The following USP44 variants were observed in gnomAD, a reference collection of about 807,000 sequenced individuals.
USP44 encodes ubiquitin specific peptidase 44.
Under a neutral mutation model 69.0 loss-of-function variants are expected in USP44, and 61 were observed. The observed-to-expected ratio is 0.88, with a 90% CI of 0.72 to 1.09. The LOEUF is 1.09. Among genes scored for constraint, USP44 ranks in the 50% least tolerant of loss-of-function variants. The pLI is 0.00. For synonymous variants in USP44, 297 were observed against 295.4 expected (o/e 1.01, Z -0.06); for missense variants, 753 against 849.9 (o/e 0.89, Z 1.42).
Position 95,518,116 on chromosome 12 carries a change from T to C in USP44, c.*38A>G, listed in dbSNP as rs764683275. ...GTACATCAGTCTTTTAAAAAGTATA[T>C]ATATAAATCACAGGAAGAAAACCCC... On this transcript the variant is annotated 3_prime_UTR_variant, in exon 6 of 6. Transcript: ENST00000258499. The C allele has an allele frequency of 5.0e-6, 8 of 1,602,130 alleles. No homozygotes were observed. The highest frequency in any genetic ancestry group is 4.0e-5 in the African/African-American group (3 of 74,326).
At chr12:95,525,361 C>T (rs1252228111) in intron 3 of USP44, among the ~76,000 whole-genome samples, 1 of 152,198 alleles carries the variant, frequency 6.6e-6, no homozygotes, top group Non-Finnish European at 1.5e-5. Context: ...TGAGCCACTG[C>T]ACCCAGCCAT....
intron 1 of USP44, among the ~76,000 whole-genome samples, chr12:95,534,677 CTTTTT>C (rs71082032): frequency 7.0e-6 from 1 of 142,236 alleles, no homozygotes; most frequent in Admixed American, 7.0e-5. Context: ...ACTGCATTCC[CTTTTT>C]TTTTTTTTTT....
intron 5 of USP44, among the ~76,000 whole-genome samples, chr12:95,519,190 T>A (rs968025735): frequency 2.7e-5 from 4 of 150,776 alleles, no homozygotes; most frequent in African/African-American, 9.8e-5. Context: ...GTGACACCTT[T>A]GTTTGCTGAT....
chr12:95,531,633 T>C (rs2077023258), intron 2 of USP44, among the ~76,000 whole-genome samples: 1 of 152,214 alleles, frequency 6.6e-6, no homozygotes, highest in South Asian at 2.1e-4. Context: ...TTTGCATTTC[T>C]GAAACACTGA....
In USP44 at chr12:95,534,095, T is replaced by C; in HGVS notation, c.162A>G (p.Glu54=). 1 of 1,614,194 alleles carries C rather than the reference T, an allele frequency of 6.2e-7. No homozygotes were observed. The highest frequency in any genetic ancestry group is 1.1e-5 in the South Asian group (1 of 91,078). Residue 54 remains glutamate, a synonymous_variant, in exon 2 of 6, where the codon GAA becomes GAG. Coordinates refer to ENST00000258499, the MANE Select transcript of USP44 (RefSeq NM_032147.5). ...CTTGAAAGTGCTTGAGTGCATGCTC[T>C]TCAATATATCTTCCACAGGCAACAT... ...CSHVACGRYI[E]EHALKHFQES...
In USP44 at chr12:95,534,164, G is replaced by A. The variant is rs1163995874; in HGVS notation, c.93C>T (p.Asp31=). 3 of 1,614,048 alleles carry A rather than the reference G, an allele frequency of 1.9e-6. No individual in the cohort carries two copies. The African/African-American group carries it at 4.0e-5, about 22-fold the overall frequency. The part of the protein sequence containing the change: ...SLNPQKWHCV[D]CNTTESIWAC... ...CCCAAATGGACTCGGTCGTGTTGCA[G>A]TCCACACAGTGCCATTTCTGAGGGT... The change falls in exon 2 of 6, where the codon GAC becomes GAT. Residue 31 remains aspartate, a synonymous_variant. Coordinates refer to ENST00000258499, the MANE Select transcript of USP44 (RefSeq NM_032147.5).
chr12:95,535,204 T>G (rs1484129249), intron 1 of USP44, among the ~76,000 whole-genome samples: 1 of 152,192 alleles, frequency 6.6e-6, no homozygotes. Context: ...AGAGGGAAAA[T>G]CATACCAACT....
At chr12:95,527,643 C>G (rs1404852084) in intron 3 of USP44, among the ~76,000 whole-genome samples, 1 of 151,112 alleles carries the variant, frequency 6.6e-6, no homozygotes, top group Non-Finnish European at 1.5e-5. Context: ...CTCCACCACA[C>G]CCGGCTAATT....
chr12:95,542,163 G>C (rs2077410746), intron 1 of USP44, among the ~76,000 whole-genome samples: 1 of 152,152 alleles, frequency 6.6e-6, no homozygotes, highest in Non-Finnish European at 1.5e-5. Flanking sequence ...TTATAGGCAT[G>C]AGACACTATG....
chr12:95,522,615 T>C (rs1019178234), intron 4 of USP44, among the ~76,000 whole-genome samples: 6 of 151,804 alleles, frequency 4.0e-5, no homozygotes, highest in Non-Finnish European at 8.8e-5. Context: ...CCGTCTCTAC[T>C]AAAAATACAA....
intron 1 of USP44, among the ~76,000 whole-genome samples, chr12:95,537,467 C>T (rs1411025660): frequency 2.0e-5 from 3 of 152,044 alleles, no homozygotes; most frequent in East Asian, 1.9e-4. Flanking sequence ...TACAGGCACA[C>T]GTCACCATGT....
intron 1 of USP44, among the ~76,000 whole-genome samples, chr12:95,535,035 T>G (rs919858574): frequency 4.6e-5 from 7 of 152,212 alleles, no homozygotes; most frequent in Non-Finnish European, 1.0e-4. Flanking sequence ...CTAATATTTA[T>G]AAACATTATG....
intron 1 of USP44, among the ~76,000 whole-genome samples, chr12:95,541,874 A>ATTTT (rs34060895): frequency 4.0e-5 from 4 of 99,540 alleles, no homozygotes; most frequent in African/African-American, 4.1e-5. Flanking sequence ...TATCATCTCC[A>ATTTT]TTTTTTTTTT....
rs2076505263 is a variant in USP44 at position 95,517,324 on chromosome 12, A to C, written c.*830T>G. 1 of 152,116 alleles carries C rather than the reference A, an allele frequency of 6.6e-6. No homozygotes were observed. The allele number at this position is 152,116 out of a possible 1,614,324, so 9.4% of individuals were successfully genotyped here. A position where few individuals can be genotyped will look rare whatever the true frequency, so the allele number is the denominator to read the frequency against. On this transcript the variant is annotated 3_prime_UTR_variant, in exon 6 of 6. Transcript: ENST00000258499. ...AAAAAAATACATAAAGTTTTAAGAG[A>C]TCTAATGTCATCAGACATTATAAAA... is the stretch of plus-strand genomic sequence containing the variant.
chr12:95,521,347 G>T, intron 4 of USP44, 145 bp from the exon 5 acceptor site: 2 of 756,802 alleles, frequency 2.6e-6, no homozygotes, highest in Non-Finnish European at 4.3e-6. Context: ...TGCTGAAGCT[G>T]GCTATAAATG....
chr12:95,516,609 G>C lies in USP44; in HGVS notation c.*1545C>G, dbSNP rs1164242372. 3.3e-5 allele frequency: 5 copies of C among 152,164 alleles called. No individual in the cohort carries two copies. Among genetic ancestry groups the C allele is most frequent in the Non-Finnish European group, 7.3e-5 (5 of 68,036 alleles). 9.4% of individuals were successfully genotyped at this position (152,164 alleles called of 1,614,324 possible). A position where few individuals can be genotyped will look rare whatever the true frequency, so the allele number is the denominator to read the frequency against. ...ATGAGGTATTAAGAAGTGTGTAACA[G>C]TTGAGGTAACAACTTGCATAGGTAT... On this transcript the variant is annotated 3_prime_UTR_variant, in exon 6 of 6. Transcript: ENST00000258499.
Position 95,529,256 on chromosome 12 carries a change from T to C in USP44, c.1429-254A>G, listed in dbSNP as rs60607007. The stretch of plus-strand genomic sequence containing the variant: ...CAAAAAGCTCTAAGGGCATTAAATT[T>C]AGGTAAAAATCCAAACTGTGGACAC... On this transcript the variant is annotated intron_variant, in intron 2 of 5. Coordinates refer to ENST00000258499, the MANE Select transcript of USP44 (RefSeq NM_032147.5). 4.6e-3 allele frequency among the ~76,000 whole-genome samples: 704 copies of C among 152,220 alleles called. 7 individuals are homozygous for C. The highest frequency in any genetic ancestry group is 0.016 in the African/African-American group (675 of 41,546).
At chr12:95,531,715 T>C (rs756932710) in intron 2 of USP44, among the ~76,000 whole-genome samples, 1 of 152,176 alleles carries the variant, frequency 6.6e-6, no homozygotes, top group Non-Finnish European at 1.5e-5. Context: ...TAGGAAAGTA[T>C]GCTATAAAAA....
rs766409701 is a variant in USP44, at chr12:95,521,173, A to G, written c.1763T>C (p.Ile588Thr). The G allele has an allele frequency of 2.5e-6, 4 of 1,614,164 alleles. No homozygotes were observed. Among genetic ancestry groups the G allele is most frequent in the Non-Finnish European group, 2.5e-6 (3 of 1,180,034 alleles). ...RWSGRNNREK[I>T]GVHVGFEEIL... The stretch of plus-strand genomic sequence containing the variant: ...TTCCTCAAAGCCAACATGAACACCA[A>G]TCTTCTCTCGGTTATTACGTCCTGA... The change falls in exon 5 of 6, where the codon ATT (isoleucine) becomes ACT (threonine). Residue 588 changes from isoleucine (I) to threonine (T), a missense_variant. By Grantham distance (89) the Ile-to-Thr change is moderately conservative. Transcript: ENST00000258499.
Sources: allele counts gnomAD v4.1 joint callset (sites outside exome capture counted in the v4.1 genomes callset), GRCh38; gene constraint gnomAD v4.1.1; transcripts MANE v1.5; gene names NCBI Gene and HGNC (gene_info 2026-07-23, HGNC 2026-07-21).